GK: variants seen among roughly 807,000 people sequenced by gnomAD.
The protein encoded by GK is glycerol kinase.
Under a neutral mutation model 56.4 loss-of-function variants are expected in GK, and 9 were observed. The ratio of observed to expected loss-of-function variants is 0.16; its 90% CI spans 0.10 to 0.28. The LOEUF (loss-of-function observed/expected upper bound fraction) is 0.28, where lower values mean the gene tolerates loss of function less well. GK is among the 10% of genes least tolerant of loss of function. GK has a pLI of 1.00. For missense variants in GK, 161 were observed against 431.4 expected, an observed-to-expected ratio of 0.37 and a Z score of 5.55; for synonymous variants, 104 against 144.1, an observed-to-expected ratio of 0.72 and a Z score of 1.99.
chrX:30,699,306 A>G (rs1275478170), intron 9 of GK, among the ~76,000 whole-genome samples: 1 of 59,413 alleles, frequency 1.7e-5, no homozygotes, highest in East Asian at 6.0e-4. Flanking sequence ...TAACATGTAT[A>G]TATATAACAT....
chrX:30,679,777 C>A (rs190098798), intron 4 of GK, among the ~76,000 whole-genome samples: 8 of 111,583 alleles, frequency 7.2e-5, no homozygotes, highest in African/African-American at 2.6e-4. Flanking sequence ...GTTTTGAGAA[C>A]CTCTTACATG....
At chrX:30,679,572 G>T (rs1324246410) in intron 4 of GK, among the ~76,000 whole-genome samples, 1 of 111,906 alleles carries the variant, frequency 8.9e-6, no homozygotes, top group Non-Finnish European at 1.9e-5. Flanking sequence ...TAGGTAAGCT[G>T]AAGTTATGCT....
At chrX:30,668,947 G>A (rs1933271215) in intron 3 of GK, among the ~76,000 whole-genome samples, 1 of 110,581 alleles carries the variant, frequency 9.0e-6, no homozygotes, top group Non-Finnish European at 1.9e-5. Context: ...TGGATGTTGG[G>A]GTAACAGAGA....
At chrX:30,667,820 G>A (rs913564846) in intron 2 of GK, among the ~76,000 whole-genome samples, 192 bp from the exon 3 acceptor site, 1 of 112,194 alleles carries the variant, frequency 8.9e-6, no homozygotes, top group Non-Finnish European at 1.9e-5. Flanking sequence ...ACTATGTGGA[G>A]AATAATAAAA....
In GK at chrX:30,699,175, T is replaced by TTA. The variant is rs758881734; in HGVS notation, c.748-1225_748-1224dup. The stretch of plus-strand genomic sequence containing the variant: ...GTACATCACCCCTACTTCAGGGATT[T>TTA]TATATATATATATATGTTTTATATA... On this transcript the variant is annotated intron_variant, in intron 9 of 20. Transcript: ENST00000427190. 4.2e-3 allele frequency among the ~76,000 whole-genome samples: 421 copies of TTA among 100,682 alleles called. 3 individuals are homozygous for TTA. The highest frequency in any genetic ancestry group is 9.9e-3 in the Middle Eastern group (2 of 202). The allele number at this position is 100,682 out of a possible 115,157, so 87.4% of individuals were successfully genotyped here. A position where few individuals can be genotyped will look rare whatever the true frequency, so the allele number is the denominator to read the frequency against.
chrX:30,673,062 T>C (rs192180178), intron 3 of GK, among the ~76,000 whole-genome samples: 1 of 112,272 alleles, frequency 8.9e-6, no homozygotes, highest in Non-Finnish European at 1.9e-5. Context: ...TTCTAAGGTA[T>C]ATTTTCTTAA....
chrX:30,679,133 A>G (rs1463255177), intron 4 of GK, among the ~76,000 whole-genome samples: 1 of 110,727 alleles, frequency 9.0e-6, no homozygotes, highest in Non-Finnish European at 1.9e-5. Flanking sequence ...AACTTCCTGA[A>G]CTAGTTAAGG....
chrX:30,701,176 G>A (rs755996950), intron 11 of GK, among the ~76,000 whole-genome samples: 2 of 111,973 alleles, frequency 1.8e-5, no homozygotes, highest in Non-Finnish European at 3.8e-5. Context: ...TTGAGTGGCC[G>A]AGACAGGTGG....
chrX:30,662,691 TTC>T (rs1199331357), intron 1 of GK, among the ~76,000 whole-genome samples: 11 of 108,948 alleles, frequency 1.0e-4, no homozygotes, highest in Admixed American at 9.9e-5. Flanking sequence ...CTTTCTTTCT[TTC>T]TCTCTCTCTT....
At chrX:30,688,121 C>T (rs762045582) in intron 4 of GK, among the ~76,000 whole-genome samples, 62 of 111,940 alleles carry the variant, frequency 5.5e-4, no homozygotes, top group Non-Finnish European at 1.0e-3. Flanking sequence ...AATCACATAG[C>T]TTATTGGTGG....
chrX:30,689,815 A>G (rs1229199048), intron 4 of GK, among the ~76,000 whole-genome samples: 4 of 112,149 alleles, frequency 3.6e-5, no homozygotes, highest in African/African-American at 6.5e-5. Context: ...CCTCTCCCCA[A>G]CAGATGCAGG....
chrX:30,665,141 C>T, intron 1 of GK, among the ~76,000 whole-genome samples: 1 of 111,879 alleles, frequency 8.9e-6, no homozygotes, highest in Non-Finnish European at 1.9e-5. Flanking sequence ...TGGAAACTTA[C>T]ACCATTGCTA....
At chrX:30,654,624 G>A (rs758223132) in intron 1 of GK, among the ~76,000 whole-genome samples, 26 of 111,074 alleles carry the variant, frequency 2.3e-4, no homozygotes, top group African/African-American at 8.2e-4. Context: ...CCGGGAGGCT[G>A]AGGCAGGAGA....
intron 4 of GK, among the ~76,000 whole-genome samples, chrX:30,688,942 C>A (rs769239808): frequency 8.9e-6 from 1 of 112,205 alleles, no homozygotes; most frequent in Non-Finnish European, 1.9e-5. Flanking sequence ...TTTGTTCATG[C>A]CCCTTGGTAA....
chrX:30,710,438 T>G (rs1195973507), intron 13 of GK, among the ~76,000 whole-genome samples: 1 of 111,440 alleles, frequency 9.0e-6, no homozygotes, highest in Non-Finnish European at 1.9e-5. Context: ...TTTTCTTAAT[T>G]TTTTTTTACA....
At chrX:30,690,983 C>T (rs1478417453) in intron 4 of GK, 140 bp from the exon 5 acceptor site, 1 of 399,365 alleles carries the variant, frequency 2.5e-6, no homozygotes, top group East Asian at 4.2e-5. Context: ...TTCTAATTTT[C>T]TAATTTCTAT....
intron 19 of GK, among the ~76,000 whole-genome samples, chrX:30,724,811 A>T (rs1483686234): frequency 9.0e-6 from 1 of 111,615 alleles, no homozygotes; most frequent in African/African-American, 3.3e-5. Context: ...GCATAGTATT[A>T]TTATTTTTTG....
intron 9 of GK, among the ~76,000 whole-genome samples, chrX:30,699,711 T>C (rs1935538359): frequency 9.0e-6 from 1 of 110,903 alleles, no homozygotes; most frequent in Admixed American, 9.7e-5. Context: ...TCATTAAATA[T>C]TGCCTTGAGT....
chrX:30,702,269 T>G (rs997302470), intron 11 of GK, among the ~76,000 whole-genome samples: 1 of 111,784 alleles, frequency 8.9e-6, no homozygotes, highest in Non-Finnish European at 1.9e-5. Context: ...CTCAAACTCC[T>G]GACCTCAGGT....
Sources: allele counts gnomAD v4.1 joint callset (sites outside exome capture counted in the v4.1 genomes callset), GRCh38; gene constraint gnomAD v4.1.1; transcripts MANE v1.5; gene names NCBI Gene and HGNC (gene_info 2026-07-23, HGNC 2026-07-21).